RALYL: variants seen among roughly 807,000 people sequenced by gnomAD.
The protein encoded by RALYL is RNA-binding Raly-like protein.
In RALYL, 29 loss-of-function variants were observed where a neutral mutation model predicts 35.1. That is an observed-to-expected ratio of 0.83 (90% CI 0.61 to 1.13). RALYL has a LOEUF of 1.13. Ranked by LOEUF, RALYL falls within the 50% of genes most tolerant of loss-of-function variation. The pLI is 0.00. For missense variants in RALYL, 359 were observed against 360.4 expected (o/e 1.00, Z 0.03); for synonymous variants, 120 against 127.6 (o/e 0.94, Z 0.40).
intron 1 of RALYL, among the ~76,000 whole-genome samples, chr8:84,398,499 ACGTAAGACCCTTT>A (rs1476974377): frequency 1.3e-5 from 2 of 152,184 alleles, no homozygotes; most frequent in Non-Finnish European, 2.9e-5. Flanking sequence ...ATAAAACTCA[ACGTAAGACCCTTT>A]CTTCTTTCAC....
intron 8 of RALYL, among the ~76,000 whole-genome samples, chr8:84,914,717 G>A (rs892583374): frequency 4.6e-5 from 7 of 151,770 alleles, no homozygotes; most frequent in Non-Finnish European, 7.4e-5. Flanking sequence ...CCAAAAGCAC[G>A]TTCTTAATTA....
At chr8:84,555,152 G>A (rs779549758) in intron 2 of RALYL, among the ~76,000 whole-genome samples, 11 of 152,238 alleles carry the variant, frequency 7.2e-5, no homozygotes, top group Non-Finnish European at 1.0e-4. Context: ...GGTGGCACAC[G>A]CCTGTAATCC....
chr8:84,311,888 A>C (rs566268234), intron 1 of RALYL, among the ~76,000 whole-genome samples: 1 of 152,238 alleles, frequency 6.6e-6, no homozygotes, highest in Non-Finnish European at 1.5e-5. Context: ...GAATTTAGTA[A>C]AAGAGTGATA....
intron 1 of RALYL, among the ~76,000 whole-genome samples, chr8:84,357,365 G>C (rs569290188): frequency 7.5e-4 from 114 of 152,064 alleles, no homozygotes; most frequent in African/African-American, 2.7e-3. Context: ...CCCACTTACT[G>C]CCTATAGCTG....
chr8:84,601,341 C>T (rs1815900973), intron 2 of RALYL, among the ~76,000 whole-genome samples: 2 of 152,000 alleles, frequency 1.3e-5, no homozygotes, highest in Admixed American at 6.6e-5. Flanking sequence ...CAAAAAGCTA[C>T]AATGCCTAGG....
intron 8 of RALYL, among the ~76,000 whole-genome samples, chr8:84,889,097 C>T (rs1169261216): frequency 6.6e-6 from 1 of 152,160 alleles, no homozygotes; most frequent in Non-Finnish European, 1.5e-5. Flanking sequence ...ACAACCACCC[C>T]TATTTCCATG....
intron 3 of RALYL, among the ~76,000 whole-genome samples, chr8:84,788,546 G>T (rs916262243): frequency 6.6e-6 from 1 of 152,204 alleles, no homozygotes; most frequent in African/African-American, 2.4e-5. Flanking sequence ...TGGGGCTGGT[G>T]TTAAGCAAAG....
chr8:84,751,965 A>T (rs964043782), intron 2 of RALYL, among the ~76,000 whole-genome samples: 4 of 152,218 alleles, frequency 2.6e-5, no homozygotes, highest in African/African-American at 9.6e-5. Flanking sequence ...AAGATATCTG[A>T]ACATGTGGAA....
intron 4 of RALYL, among the ~76,000 whole-genome samples, chr8:84,834,301 C>A (rs1218233544): frequency 2.0e-5 from 3 of 152,154 alleles, no homozygotes; most frequent in Non-Finnish European, 4.4e-5. Context: ...ACCTCTGTGG[C>A]TGAGGGAGAG....
intron 1 of RALYL, among the ~76,000 whole-genome samples, chr8:84,448,133 G>A (rs920261096): frequency 2.0e-5 from 3 of 151,950 alleles, no homozygotes; most frequent in Non-Finnish European, 4.4e-5. Flanking sequence ...ACTGGTAAGG[G>A]ACTCCAAAAG....
At chr8:84,526,382 A>G (rs1159791244) in intron 1 of RALYL, among the ~76,000 whole-genome samples, 1 of 152,084 alleles carries the variant, frequency 6.6e-6, no homozygotes, top group Non-Finnish European at 1.5e-5. Flanking sequence ...ACCTTTACCT[A>G]TTGGAATCTT....
chr8:84,368,406 A>G (rs1298351573), intron 1 of RALYL, among the ~76,000 whole-genome samples: 1 of 152,162 alleles, frequency 6.6e-6, no homozygotes, highest in Non-Finnish European at 1.5e-5. Context: ...GGAATTTATA[A>G]TTAGAAAAAT....
chr8:84,243,496 T>C (rs1828425025), intron 1 of RALYL, among the ~76,000 whole-genome samples: 1 of 140,354 alleles, frequency 7.1e-6, no homozygotes, highest in Non-Finnish European at 1.5e-5. Context: ...CTGTTCTCTC[T>C]CACACTTTTT....
At chr8:84,197,150 A>G (rs889328107) in intron 1 of RALYL, among the ~76,000 whole-genome samples, 5 of 152,316 alleles carry the variant, frequency 3.3e-5, no homozygotes, top group East Asian at 3.9e-4. Context: ...TTTAACACCA[A>G]TTGAATACCA....
intron 1 of RALYL, among the ~76,000 whole-genome samples, chr8:84,390,012 C>T (rs1453880780): frequency 3.3e-5 from 5 of 151,976 alleles, no homozygotes; most frequent in African/African-American, 7.3e-5. Context: ...TTTTGAGATA[C>T]GTCCCATCAA....
intron 1 of RALYL, among the ~76,000 whole-genome samples, chr8:84,485,743 G>C (rs1237455267): frequency 6.6e-6 from 1 of 151,978 alleles, no homozygotes; most frequent in Admixed American, 6.6e-5. Context: ...AAAATCTTTG[G>C]AAATTAATGA....
intron 1 of RALYL, among the ~76,000 whole-genome samples, chr8:84,332,017 A>G (rs950004020): frequency 6.6e-6 from 1 of 152,154 alleles, no homozygotes; most frequent in African/African-American, 2.4e-5. Flanking sequence ...GACATTTAAC[A>G]ACCCCATCCT....
chr8:84,189,267 A>C (rs757143917), intron 1 of RALYL, among the ~76,000 whole-genome samples: 13 of 152,230 alleles, frequency 8.5e-5, no homozygotes, highest in Non-Finnish European at 1.9e-4. Flanking sequence ...GTGCATAAAT[A>C]TGTTTGGCAA....
In RALYL at chr8:84,501,366, A is replaced by C. The variant is rs141801710; in HGVS notation, c.-23-27933A>C. On this transcript the variant is annotated intron_variant, in intron 1 of 8. Coordinates refer to ENST00000521268, the MANE Select transcript of RALYL (RefSeq NM_173848.7). ...ACTTTCCACATAGATTTTCTAGAAC[A>C]CTAGAAGAAATAACATTTCTTAACA... 1.9e-3 allele frequency among the ~76,000 whole-genome samples: 287 copies of C among 152,264 alleles called. 1 individual carries two copies. The highest frequency in any genetic ancestry group is 6.0e-3 in the African/African-American group (251 of 41,590).
Sources: allele counts gnomAD v4.1 joint callset (sites outside exome capture counted in the v4.1 genomes callset), GRCh38; gene constraint gnomAD v4.1.1; transcripts MANE v1.5; gene names NCBI Gene and HGNC (gene_info 2026-07-23, HGNC 2026-07-21).